CPA6: variants seen among roughly 807,000 people sequenced by gnomAD.
The protein encoded by CPA6 is carboxypeptidase B.
Under a neutral mutation model 63.3 loss-of-function variants are expected in CPA6, and 58 were observed. That is an observed-to-expected ratio of 0.92 (90% confidence interval 0.74 to 1.14). The LOEUF is 1.14. Among genes scored for constraint, CPA6 ranks in the 50% most tolerant of loss-of-function variants. The pLI, the probability that CPA6 is intolerant of heterozygous loss-of-function variation, is 0.00. For missense variants in CPA6, 565 were observed against 526.6 expected (o/e 1.07, Z -0.71); for synonymous variants, 185 against 179.0 (o/e 1.03, Z -0.27).
chr8:67,575,233 T>C (rs1421297462), intron 2 of CPA6, among the ~76,000 whole-genome samples: 1 of 152,192 alleles, frequency 6.6e-6, no homozygotes, highest in Admixed American at 6.5e-5. Flanking sequence ...AGAGGAAAGA[T>C]AACAAGTGTT....
At chr8:67,436,288 G>A (rs1176564454) in intron 8 of CPA6, among the ~76,000 whole-genome samples, 1 of 152,030 alleles carries the variant, frequency 6.6e-6, no homozygotes, top group African/African-American at 2.4e-5. Context: ...TTGGAGCCCA[G>A]GGTAGGGGTT....
intron 8 of CPA6, among the ~76,000 whole-genome samples, chr8:67,471,518 T>TG (rs1464965445): frequency 1.3e-5 from 2 of 152,228 alleles, no homozygotes; most frequent in Non-Finnish European, 2.9e-5. Flanking sequence ...TGTTGTTTTT[T>TG]TTTGTTTGTT....
At chr8:67,485,898 A>G (rs1271935533) in intron 6 of CPA6, among the ~76,000 whole-genome samples, 1 of 152,206 alleles carries the variant, frequency 6.6e-6, no homozygotes, top group Non-Finnish European at 1.5e-5. Context: ...CAATTCACCA[A>G]ACTCACACCA....
At chr8:67,464,403 T>C (rs1178036140) in intron 8 of CPA6, among the ~76,000 whole-genome samples, 1 of 152,222 alleles carries the variant, frequency 6.6e-6, no homozygotes, top group African/African-American at 2.4e-5. Context: ...AAGTTCCTTA[T>C]AGATTCTAGA....
intron 3 of CPA6, among the ~76,000 whole-genome samples, chr8:67,517,625 T>C (rs1350696114): frequency 6.6e-6 from 1 of 152,222 alleles, no homozygotes; most frequent in Admixed American, 6.5e-5. Context: ...TCCTGCCTTC[T>C]CATCCACCCT....
chr8:67,730,955 ATT>A (rs1229230134), intron 1 of CPA6, among the ~76,000 whole-genome samples: 2 of 152,238 alleles, frequency 1.3e-5, no homozygotes, highest in Non-Finnish European at 2.9e-5. Flanking sequence ...CACCATAAAA[ATT>A]ATCCATTCTT....
chr8:67,608,138 T>C (rs1814713782), intron 2 of CPA6, among the ~76,000 whole-genome samples: 1 of 152,194 alleles, frequency 6.6e-6, no homozygotes, highest in Non-Finnish European at 1.5e-5. Flanking sequence ...CACATCACTT[T>C]TGTGTACATT....
At chr8:67,500,692 G>A (rs1811813736) in intron 6 of CPA6, among the ~76,000 whole-genome samples, 1 of 150,514 alleles carries the variant, frequency 6.6e-6, no homozygotes, top group African/African-American at 2.5e-5. Context: ...TTAAATTCAT[G>A]ATCAATTTTG....
At chr8:67,710,404 C>A (rs1224112453) in intron 1 of CPA6, among the ~76,000 whole-genome samples, 9 of 109,752 alleles carry the variant, frequency 8.2e-5, no homozygotes, top group Non-Finnish European at 1.3e-4. Flanking sequence ...CCCGCCCCCA[C>A]CCCCCCCCAA....
At chr8:67,613,757 G>A (rs920226277) in intron 2 of CPA6, among the ~76,000 whole-genome samples, 1 of 152,158 alleles carries the variant, frequency 6.6e-6, no homozygotes, top group Non-Finnish European at 1.5e-5. Context: ...ATGAGACCAG[G>A]CATTCCTGTT....
At chr8:67,495,033 T>A (rs1252545667) in intron 6 of CPA6, among the ~76,000 whole-genome samples, 3 of 152,304 alleles carry the variant, frequency 2.0e-5, no homozygotes, top group East Asian at 1.9e-4. Flanking sequence ...TCCCTCCCCA[T>A]TATCCAGTAT....
At chr8:67,467,037 A>T (rs1810942358) in intron 8 of CPA6, among the ~76,000 whole-genome samples, 1 of 152,206 alleles carries the variant, frequency 6.6e-6, no homozygotes, top group Non-Finnish European at 1.5e-5. Context: ...GTGGCTTCCT[A>T]AAACTTTACC....
At chr8:67,523,170 A>G (rs1489798741) in intron 2 of CPA6, among the ~76,000 whole-genome samples, 1 of 152,204 alleles carries the variant, frequency 6.6e-6, no homozygotes, top group Non-Finnish European at 1.5e-5. Context: ...AAATGGGACT[A>G]TAAATAGCAT....
At chr8:67,624,038 A>C in intron 2 of CPA6, 138 bp downstream of exon 2, 1 of 522,676 alleles carries the variant, frequency 1.9e-6, no homozygotes, top group Non-Finnish European at 3.4e-6. Flanking sequence ...AATAAAATAA[A>C]ATAAAAGCTC....
intron 2 of CPA6, among the ~76,000 whole-genome samples, chr8:67,556,055 C>T (rs968849050): frequency 6.6e-6 from 1 of 152,164 alleles, no homozygotes; most frequent in Non-Finnish European, 1.5e-5. Flanking sequence ...GCCTGGGCCC[C>T]AGAGTGAACA....
intron 1 of CPA6, among the ~76,000 whole-genome samples, chr8:67,661,861 T>A (rs1816117209): frequency 6.6e-6 from 1 of 152,174 alleles, no homozygotes; most frequent in South Asian, 2.1e-4. Context: ...AATCATATAA[T>A]CTTTGTCTTT....
chr8:67,517,496 C>T (rs1278420349), intron 3 of CPA6, among the ~76,000 whole-genome samples: 3 of 152,166 alleles, frequency 2.0e-5, no homozygotes, highest in Non-Finnish European at 4.4e-5. Flanking sequence ...TCTTTCTGCC[C>T]TCTGACTTGC....
chr8:67,615,152 T>A (rs1408577173), intron 2 of CPA6, among the ~76,000 whole-genome samples: 1 of 152,186 alleles, frequency 6.6e-6, no homozygotes, highest in Non-Finnish European at 1.5e-5. Context: ...CATTGACCTC[T>A]AAAACCAAGC....
rs149391683 is a variant in CPA6 at position 67,696,077 on chromosome 8, G to A, written c.116+49937C>T. On this transcript the variant is annotated intron_variant, in intron 1 of 10. Coordinates refer to ENST00000297770, the MANE Select transcript of CPA6 (RefSeq NM_020361.5). ...CAAAACGGGAGTTACAGTCTAGGCT[G>A]AAGTGATGGATCCTGACCACCAAGG... is the stretch of plus-strand genomic sequence containing the variant. 7.2e-5 allele frequency among the ~76,000 whole-genome samples: 11 copies of A among 152,312 alleles called. No individual in the cohort carries two copies. The East Asian group carries it at 2.1e-3, about 29-fold the overall frequency.
Sources: allele counts gnomAD v4.1 joint callset (sites outside exome capture counted in the v4.1 genomes callset), GRCh38; gene constraint gnomAD v4.1.1; transcripts MANE v1.5; gene names NCBI Gene and HGNC (gene_info 2026-07-23, HGNC 2026-07-21).